Variants in TBC1D2B observed in about 807,000 individuals in gnomAD.
The protein encoded by TBC1D2B is TBC1 domain family, member 2B.
In TBC1D2B, 64 loss-of-function variants were observed where a neutral mutation model predicts 100.8. The ratio of observed to expected loss-of-function variants is 0.64; its 90% CI spans 0.52 to 0.78. The LOEUF (loss-of-function observed/expected upper bound fraction) is 0.78. Among genes scored for constraint, TBC1D2B ranks in the 30% least tolerant of loss-of-function variants. The pLI is 0.00. For missense variants in TBC1D2B, 1,052 were observed against 1,218.4 expected (o/e 0.86, Z 2.03); for synonymous variants, 480 against 479.7 (o/e 1.00, Z -0.01).
intron 4 of TBC1D2B, among the ~76,000 whole-genome samples, chr15:78,028,848 T>A (rs140089991): frequency 6.6e-6 from 1 of 152,020 alleles, no homozygotes; most frequent in African/African-American, 2.4e-5. Context: ...TCAACAAATG[T>A]GGCAAAGGAG....
At chr15:78,050,281 G>A (rs1478446136) in intron 2 of TBC1D2B, among the ~76,000 whole-genome samples, 1 of 152,216 alleles carries the variant, frequency 6.6e-6, no homozygotes, top group Non-Finnish European at 1.5e-5. Flanking sequence ...GGGAGGAAAT[G>A]TGTGGTCATC....
intron 3 of TBC1D2B, among the ~76,000 whole-genome samples, chr15:78,038,315 G>A (rs967122243): frequency 6.6e-6 from 1 of 152,230 alleles, no homozygotes; most frequent in African/African-American, 2.4e-5. Flanking sequence ...GGGCTATGAA[G>A]GAGAAGCACG....
intron 6 of TBC1D2B, among the ~76,000 whole-genome samples, chr15:78,018,260 G>A (rs1006848930): frequency 2.6e-5 from 4 of 152,036 alleles, no homozygotes; most frequent in African/African-American, 9.7e-5. Context: ...CTAAATCTAT[G>A]CAAATATTTT....
rs1161140362 is a variant in TBC1D2B, at chr15:78,024,470, G to A, written c.1156C>T (p.Leu386Phe). 6.2e-7 allele frequency: 1 copy of A among 1,613,936 alleles called. No individual in the cohort carries two copies. The highest frequency in any genetic ancestry group is 1.3e-5 in the African/African-American group (1 of 74,930). The change falls in exon 6 of 13, where the codon CTC becomes TTC. Residue 386 changes from leucine to phenylalanine, a missense_variant. Leu to Phe is a conservative substitution (Grantham distance 22). Coordinates refer to ENST00000300584, the MANE Select transcript of TBC1D2B (RefSeq NM_144572.2). ...GTGTCCTTTGGGACCCCCTCACAGA[G>A]CCGGCTGCTTGTGAAATACTTGTCA... The part of the protein sequence containing the change: ...QYDKYFTSSR[L>F]CEGVPKDTLE...
intron 1 of TBC1D2B, chr15:78,066,255 A>G: frequency 3.0e-6 from 1 of 336,010 alleles, no homozygotes; most frequent in South Asian, 2.2e-5. Context: ...AATGCAAAGA[A>G]GATATGCAGC....
rs145898427 is a variant in TBC1D2B, at chr15:78,069,132, C to T, written c.360+8161G>A. Among the ~76,000 whole-genome samples the T allele has an allele frequency of 1.8e-4, 27 of 152,330 alleles. No individual in the cohort carries two copies. In the East Asian group the frequency reaches 4.8e-3, roughly 27 times the overall value. On this transcript the variant is annotated intron_variant, in intron 1 of 12. Transcript: ENST00000300584. ...TGATCGAGGAGACTGGTCCACCCCC[C>T]TCAGACGTGAGGTGGGAGCTGGTAC... is the stretch of plus-strand genomic sequence containing the variant.
At chr15:78,026,045 AC>A (rs2072658920) in intron 4 of TBC1D2B, among the ~76,000 whole-genome samples, 1 of 151,822 alleles carries the variant, frequency 6.6e-6, no homozygotes, top group Admixed American at 6.6e-5. Flanking sequence ...AGACTGTATC[AC>A]AGGATCATTT....
intron 9 of TBC1D2B, among the ~76,000 whole-genome samples, chr15:78,010,314 T>C (rs1421058915): frequency 6.6e-6 from 1 of 152,056 alleles, no homozygotes; most frequent in Non-Finnish European, 1.5e-5. Context: ...CTGGTATGGC[T>C]CCAAGCGGGA....
chr15:78,000,586 T>C (rs2071886544), intron 12 of TBC1D2B, among the ~76,000 whole-genome samples: 2 of 152,190 alleles, frequency 1.3e-5, no homozygotes, highest in African/African-American at 4.8e-5. Flanking sequence ...AGCCTGAAAC[T>C]ATTACAAACC....
intron 9 of TBC1D2B, among the ~76,000 whole-genome samples, chr15:78,009,757 G>A (rs573930384): frequency 1.3e-5 from 2 of 152,206 alleles, no homozygotes; most frequent in South Asian, 2.1e-4. Flanking sequence ...GGCAGATCAC[G>A]AGGTCAGGAG....
In TBC1D2B at chr15:78,013,023, G is replaced by A. The variant is rs746009252; in HGVS notation, c.2070C>T (p.Gly690=). Residue 690 remains glycine (G), a synonymous_variant, in exon 9 of 13, where the codon GGC becomes GGT. Transcript: ENST00000300584. ...CCTTCTGCAGCAAGGTCTGGAAGTG[G>A]CCAGGCTCAGTGTTGTCCTTGAACT... ...TRKFKDNTEP[G]HFQTLLQKAL... The A allele has an allele frequency of 6.2e-7, 1 of 1,611,880 alleles. No individual in the cohort carries two copies. The highest frequency in any genetic ancestry group is 8.5e-7 in the Non-Finnish European group (1 of 1,178,040).
At chr15:78,037,237 C>G in intron 3 of TBC1D2B, among the ~76,000 whole-genome samples, 1 of 152,170 alleles carries the variant, frequency 6.6e-6, no homozygotes, top group East Asian at 1.9e-4. Context: ...CCCTACGCAC[C>G]TGGCACCAGA....
intron 10 of TBC1D2B, among the ~76,000 whole-genome samples, chr15:78,006,132 CTA>C (rs1251865570): frequency 1.1e-4 from 17 of 152,232 alleles, no homozygotes; most frequent in African/African-American, 4.1e-4. Flanking sequence ...GGGTTGTGAT[CTA>C]CTACATGTGA....
intron 2 of TBC1D2B, among the ~76,000 whole-genome samples, chr15:78,050,673 G>A (rs1268723269): frequency 6.6e-6 from 1 of 152,180 alleles, no homozygotes; most frequent in Non-Finnish European, 1.5e-5. Flanking sequence ...AATGTAGAAT[G>A]GTATTTGAGG....
intron 4 of TBC1D2B, chr15:78,025,739 G>A (rs2072648814): frequency 4.1e-6 from 1 of 241,346 alleles, no homozygotes. Flanking sequence ...TGTTAGCCAG[G>A]ATGGTCTTGA....
At chr15:78,020,571 A>G (rs1247651688) in intron 6 of TBC1D2B, among the ~76,000 whole-genome samples, 1 of 152,202 alleles carries the variant, frequency 6.6e-6, no homozygotes, top group East Asian at 1.9e-4. Context: ...AAATACACTG[A>G]GGCAGAGACA....
chr15:78,037,179 G>C (rs1490369128), intron 3 of TBC1D2B, among the ~76,000 whole-genome samples: 1 of 151,856 alleles, frequency 6.6e-6, no homozygotes, highest in Non-Finnish European at 1.5e-5. Flanking sequence ...CTTCACCCTG[G>C]GAGTCCCTGG....
At chr15:78,007,988 G>A (rs2072111766) in intron 10 of TBC1D2B, among the ~76,000 whole-genome samples, 1 of 152,256 alleles carries the variant, frequency 6.6e-6, no homozygotes, top group African/African-American at 2.4e-5. Flanking sequence ...GGCAAGGAGA[G>A]GCTGTGAGCA....
chr15:78,001,233 T>A, intron 12 of TBC1D2B, among the ~76,000 whole-genome samples: 1 of 152,190 alleles, frequency 6.6e-6, no homozygotes, highest in East Asian at 1.9e-4. Context: ...TACCACAGCA[T>A]GGATCAAACG....
Sources: gnomAD v4.1 joint callset for allele counts (sites outside exome capture counted in the v4.1 genomes callset) on GRCh38, gnomAD v4.1.1 for gene constraint, MANE v1.5 for transcripts, NCBI Gene and HGNC (gene_info 2026-07-23, HGNC 2026-07-21) for gene names.